The following HEATR5B variants were observed in gnomAD, a reference collection of about 807,000 sequenced individuals.
HEATR5B encodes HEAT repeat containing 5B, also known as HEAT repeat-containing protein 5B.
In HEATR5B, 156 loss-of-function variants were observed where a neutral mutation model predicts 224.1. The ratio of observed to expected loss-of-function variants is 0.70; its 90% CI spans 0.61 to 0.80. HEATR5B has a LOEUF of 0.80. Ranked by LOEUF, HEATR5B falls within the 30% of genes least tolerant of loss-of-function variation. HEATR5B has a pLI of 0.00. For missense variants in HEATR5B, 2,323 were observed against 2,535.5 expected (o/e 0.92, Z 1.80); for synonymous variants, 1,027 against 893.0 (o/e 1.15, Z -2.68).
intron 21 of HEATR5B, among the ~76,000 whole-genome samples, chr2:37,034,731 T>A (rs904972785): frequency 1.1e-4 from 16 of 151,964 alleles, no homozygotes; most frequent in Non-Finnish European, 2.2e-4. Flanking sequence ...CTCATTTTTT[T>A]ATTTTTTGTA....
At chr2:37,012,202 C>G (rs539082720) in intron 27 of HEATR5B, among the ~76,000 whole-genome samples, 1 of 152,004 alleles carries the variant, frequency 6.6e-6, no homozygotes, top group African/African-American at 2.4e-5. Context: ...TGTGTGCGTG[C>G]GTGTGTGTAT....
intron 18 of HEATR5B, among the ~76,000 whole-genome samples, chr2:37,042,091 C>T (rs1261174890): frequency 6.6e-6 from 1 of 151,810 alleles, no homozygotes; most frequent in Non-Finnish European, 1.5e-5. Flanking sequence ...AAGAGATGAA[C>T]ATTACTTTAA....
rs1433619702 is a variant in HEATR5B at position 36,990,719 on chromosome 2, T to C, written c.5626A>G (p.Ile1876Val). 1 of 1,612,314 alleles carries C rather than the reference T, an allele frequency of 6.2e-7. No individual in the cohort carries two copies. The highest frequency in any genetic ancestry group is 1.3e-5 in the African/African-American group (1 of 75,022). Reference protein sequence around the residue: ...LFLWSASNEIIGVQSLQNGCM... With the variant: ...LFLWSASNEIVGVQSLQNGCM... ...CCATTCTGTAATGACTGGACTCCTA[T>C]TATTTCATTACTAGCAGACCACAGG... The change falls in exon 34 of 36, where the codon ATA becomes GTA. Residue 1876 changes from isoleucine (I) to valine (V), a missense_variant. Coordinates refer to ENST00000233099, the MANE Select transcript of HEATR5B (RefSeq NM_019024.3).
chr2:36,981,744 C>T lies in HEATR5B; in HGVS notation c.5962G>A (p.Asp1988Asn), dbSNP rs1665595869. Residue 1988 changes from aspartate to asparagine, a missense_variant, in exon 36 of 36, where the codon GAT (aspartate) becomes AAT (asparagine). Physicochemically the swap from Asp to Asn is conservative, Grantham distance 23. This residue lies in a region of HEATR5B where 844 missense variants were observed against 812.9 expected (regional missense o/e 1.04). Coordinates refer to ENST00000233099, the MANE Select transcript of HEATR5B (RefSeq NM_019024.3). Reference protein sequence around the residue: ...LVPTLISYLLDENSFASASSA... With the variant: ...LVPTLISYLLNENSFASASSA... ...CTTGCTGAGGCAAAAGAATTTTCAT[C>T]CAGCAGGTAAGATATCAAAGTGGGA... 1 of 1,613,736 alleles carries T rather than the reference C, an allele frequency of 6.2e-7. No homozygotes were observed. Among genetic ancestry groups the T allele is most frequent in the Admixed American group, 1.7e-5 (1 of 59,926 alleles).
chr2:36,984,215 A>AAAAAAAAAAAAAATATATATATATAT, intron 35 of HEATR5B, among the ~76,000 whole-genome samples: 2 of 77,640 alleles, frequency 2.6e-5, no homozygotes, highest in African/African-American at 5.9e-5. Flanking sequence ...AAAAAAAAAA[A>AAAAAAAAAAAAAATATATATATATAT]ATATATATAT....
rs1181062593 is a variant in HEATR5B at position 37,002,512 on chromosome 2, C to T, written c.5111G>A (p.Gly1704Asp). ...TVLGEGGDSG[G>D]LIPGKSLVFA... is the part of the protein sequence containing the mutation. ...CACAAGAGATTTTCCAGGAATGAGA[C>T]CACCGCTGTCACCTCCTTCTCCCAA... The change falls in exon 32 of 36, where the codon GGT becomes GAT. Residue 1704 changes from glycine to aspartate, a missense_variant. By Grantham distance (94) the Gly-to-Asp change is moderately conservative. This residue lies in a region of HEATR5B where 844 missense variants were observed against 812.9 expected (regional missense o/e 1.04). Coordinates refer to ENST00000233099, the MANE Select transcript of HEATR5B (RefSeq NM_019024.3). 1.9e-6 allele frequency: 3 copies of T among 1,614,144 alleles called. No individual in the cohort carries two copies. In the Admixed American group the frequency reaches 5.0e-5, roughly 27 times the overall value.
At chr2:37,079,043 T>C in intron 3 of HEATR5B, 77 bp downstream of exon 3, 1 of 835,402 alleles carries the variant, frequency 1.2e-6, no homozygotes, top group Non-Finnish European at 1.8e-6. Context: ...GGGGTTTTTA[T>C]GGTCCATAGT....
chr2:36,996,545 T>C (rs575280053), intron 33 of HEATR5B, among the ~76,000 whole-genome samples: 6 of 151,626 alleles, frequency 4.0e-5, no homozygotes, highest in African/African-American at 7.3e-5. Flanking sequence ...GCCTCCCAAG[T>C]AGATGGAATT....
chr2:36,996,876 G>C (rs1666756129), intron 33 of HEATR5B, among the ~76,000 whole-genome samples: 1 of 152,126 alleles, frequency 6.6e-6, no homozygotes, highest in African/African-American at 2.4e-5. Context: ...ACAGGAGTGA[G>C]CCACTGTGCT....
chr2:37,060,171 A>C (rs1671190237), intron 12 of HEATR5B, among the ~76,000 whole-genome samples: 1 of 152,232 alleles, frequency 6.6e-6, no homozygotes, highest in African/African-American at 2.4e-5. Flanking sequence ...GATGTGAAAA[A>C]ACAGCTGTTT....
chr2:36,990,582 A>C, intron 34 of HEATR5B, 66 bp downstream of exon 34: 1 of 1,358,646 alleles, frequency 7.4e-7, no homozygotes, highest in Non-Finnish European at 9.9e-7. Context: ...ATTTTAATGA[A>C]TCAATCTGAC....
At chr2:37,007,393 G>C (rs1305257698) in intron 28 of HEATR5B, 89 bp from the exon 29 acceptor site, 3 of 1,370,290 alleles carry the variant, frequency 2.2e-6, no homozygotes, top group East Asian at 2.5e-5. Flanking sequence ...GCCCAGGCTG[G>C]AGTGCAATGG....
intron 24 of HEATR5B, among the ~76,000 whole-genome samples, chr2:37,023,165 C>T (rs965492967): frequency 1.3e-4 from 19 of 151,990 alleles, no homozygotes; most frequent in African/African-American, 4.6e-4. Context: ...AGTAAAATAT[C>T]TGAAATGAAA....
At chr2:37,048,478 C>T (rs1248865489) in intron 18 of HEATR5B, among the ~76,000 whole-genome samples, 1 of 151,700 alleles carries the variant, frequency 6.6e-6, no homozygotes. Flanking sequence ...AGATAACGCG[C>T]CCAGCCAAGG....
chr2:37,079,379 G>T, intron 2 of HEATR5B, 48 bp from the exon 3 acceptor site: 1 of 1,031,626 alleles, frequency 9.7e-7, no homozygotes. Context: ...AATTTTTTTT[G>T]TTACCTTTTA....
At chr2:37,058,264 A>C (rs2148550277) in intron 14 of HEATR5B, among the ~76,000 whole-genome samples, 187 bp downstream of exon 14, 1 of 152,308 alleles carries the variant, frequency 6.6e-6, no homozygotes, top group Admixed American at 6.5e-5. Context: ...CTAATACAAA[A>C]GGCTGAAAAC....
chr2:37,071,724 G>A (rs1273390456), intron 6 of HEATR5B, among the ~76,000 whole-genome samples: 6 of 148,686 alleles, frequency 4.0e-5, no homozygotes, highest in Admixed American at 2.0e-4. Flanking sequence ...TTGCTCTGTC[G>A]CCCAGGCTGG....
chr2:37,043,565 C>T (rs897634709), intron 18 of HEATR5B, among the ~76,000 whole-genome samples: 5 of 152,050 alleles, frequency 3.3e-5, no homozygotes, highest in African/African-American at 1.2e-4. Flanking sequence ...ACTTTATGGT[C>T]CTGATTTGGC....
intron 18 of HEATR5B, among the ~76,000 whole-genome samples, chr2:37,044,171 A>T (rs1670044713): frequency 6.6e-6 from 1 of 152,180 alleles, no homozygotes; most frequent in Admixed American, 6.5e-5. Flanking sequence ...GATACATTTC[A>T]ACTGCTCAAT....
Sources: allele counts gnomAD v4.1 joint callset (sites outside exome capture counted in the v4.1 genomes callset), GRCh38; gene constraint gnomAD v4.1.1; regional missense constraint gnomAD v4.1.1; transcripts MANE v1.5; gene names NCBI Gene and HGNC (gene_info 2026-07-23, HGNC 2026-07-21).